KCNC1: variants seen among roughly 807,000 people sequenced by gnomAD.
The protein encoded by KCNC1 is potassium voltage-gated channel subfamily C member 1, also known as voltage-gated potassium channel KCNC1.
A neutral mutation model predicts 43.4 loss-of-function variants in KCNC1; 8 were observed. The observed-to-expected ratio is 0.18, with a 90% confidence interval of 0.11 to 0.33. The LOEUF (loss-of-function observed/expected upper bound fraction) is 0.33. KCNC1 is among the 10% of genes least tolerant of loss of function. The pLI is 1.00. For synonymous variants in KCNC1, 361 were observed against 360.5 expected (o/e 1.00, Z -0.01); for missense variants, 420 against 836.0 (o/e 0.50, Z 6.14).
chr11:17,759,860 A>G (rs1341644879), intron 1 of KCNC1, among the ~76,000 whole-genome samples: 1 of 152,254 alleles, frequency 6.6e-6, no homozygotes, highest in Non-Finnish European at 1.5e-5. Flanking sequence ...TAACCAAAAT[A>G]TGACACAGAG....
At chr11:17,766,888 G>A (rs777427735) in intron 1 of KCNC1, among the ~76,000 whole-genome samples, 1 of 150,994 alleles carries the variant, frequency 6.6e-6, no homozygotes, top group Non-Finnish European at 1.5e-5. Flanking sequence ...GGGAGGCCGA[G>A]TCTGGCAGAT....
chr11:17,744,815 C>T (rs1303027265), intron 1 of KCNC1, among the ~76,000 whole-genome samples: 1 of 152,056 alleles, frequency 6.6e-6, no homozygotes, highest in Admixed American at 6.5e-5. Flanking sequence ...GGAGGACTCC[C>T]ACCCATGCCT....
chr11:17,771,620 A>G lies in KCNC1; in HGVS notation c.571-45A>G. On this transcript the variant is annotated intron_variant, in intron 1 of 3. Coordinates refer to ENST00000265969, the MANE Select transcript of KCNC1 (RefSeq NM_001112741.2). The surrounding 1 kb of genome is among the most constrained non-coding windows in gnomAD (Gnocchi z 4.7). ...GGACAGAGGCAACCCAGGCTTCTCC[A>G]CTCTGGGTGGGCCTCCCTCTGACAC... The G allele has an allele frequency of 6.5e-7, 1 of 1,545,682 alleles. No homozygotes were observed.
At chr11:17,774,572 C>T in intron 2 of KCNC1, 1 of 985,624 alleles carries the variant, frequency 1.0e-6, no homozygotes, top group Non-Finnish European at 1.2e-6. Flanking sequence ...CCAGCTAATC[C>T]CAGGACACAA....
intron 1 of KCNC1, among the ~76,000 whole-genome samples, chr11:17,768,945 GGA>G (rs1849190317): frequency 6.6e-6 from 1 of 152,230 alleles, no homozygotes; most frequent in Non-Finnish European, 1.5e-5. Flanking sequence ...CTCTGGTGAT[GGA>G]GAGAGCTCTG....
In KCNC1 at chr11:17,777,254, C is replaced by T. The variant is rs1288247519; in HGVS notation, c.1505-2202C>T. The T allele has an allele frequency of 1.0e-6, 1 of 985,784 alleles. No homozygotes were observed. The highest frequency in any genetic ancestry group is 1.7e-5 in the African/African-American group (1 of 57,278). 61.1% of individuals were successfully genotyped at this position (985,784 alleles called of 1,614,324 possible). ...GAGGCAGAGGCAGAGAGAAGGCACC[C>T]CCCTCTGACCCACCCCTCCCCAGGC... On this transcript the variant is annotated intron_variant, in intron 2 of 3. Transcript: ENST00000265969. This position sits in a 1 kb window ranked among gnomAD's most constrained non-coding sequence, Gnocchi z 4.3.
At chr11:17,756,584 CT>C (rs1820711011) in intron 1 of KCNC1, among the ~76,000 whole-genome samples, 1 of 151,666 alleles carries the variant, frequency 6.6e-6, no homozygotes. Flanking sequence ...GTCAGGACCC[CT>C]GACTCGATAC....
intron 1 of KCNC1, among the ~76,000 whole-genome samples, chr11:17,762,286 C>A (rs1179616467): frequency 6.6e-6 from 1 of 152,200 alleles, no homozygotes; most frequent in African/African-American, 2.4e-5. Flanking sequence ...CTCAGCAGTT[C>A]CCGTTCCATG....
chr11:17,737,401 T>C (rs1166349084), intron 1 of KCNC1, among the ~76,000 whole-genome samples: 1 of 151,330 alleles, frequency 6.6e-6, no homozygotes, highest in African/African-American at 2.4e-5. Flanking sequence ...AAGGAGAAGG[T>C]GTGTGAGAGG....
rs1417312118 is a variant in KCNC1 at position 17,781,764 on chromosome 11, C to CT, written c.*31dup. The CT allele has an allele frequency of 2.1e-5, 31 of 1,498,032 alleles. No individual in the cohort carries two copies. The highest frequency in any genetic ancestry group is 2.5e-5 in the Non-Finnish European group (27 of 1,098,156). 92.8% of individuals were successfully genotyped at this position (1,498,032 alleles called of 1,614,324 possible). A position where few individuals can be genotyped will look rare whatever the true frequency, so the allele number is the denominator to read the frequency against. ...GCGGCTTGGCCGAGGACACTGGTGG[C>CT]TATTAAGCATCTGGGTGGACCTGCA... is the stretch of plus-strand genomic sequence containing the variant. On this transcript the variant is annotated 3_prime_UTR_variant, in exon 4 of 4. Coordinates refer to ENST00000265969, the MANE Select transcript of KCNC1 (RefSeq NM_001112741.2). The surrounding 1 kb of genome is among the most constrained non-coding windows in gnomAD (Gnocchi z 5.1).
chr11:17,747,178 G>A (rs1848909740), intron 1 of KCNC1, among the ~76,000 whole-genome samples: 1 of 152,104 alleles, frequency 6.6e-6, no homozygotes, highest in African/African-American at 2.4e-5. Flanking sequence ...GACTTCAGAG[G>A]CGTCACCCTG....
rs1848855480 is a variant in KCNC1 at position 17,742,593 on chromosome 11, G to C, written c.570+6021G>C. ...AAAGGAGGGCCTGACAGGCTGCAGGGGTGCTTTGCTCTTCAGTCCTTATTC... is the reference window on the plus strand; with the variant it reads ...AAAGGAGGGCCTGACAGGCTGCAGGCGTGCTTTGCTCTTCAGTCCTTATTC... On this transcript the variant is annotated intron_variant, in intron 1 of 3. Coordinates refer to ENST00000265969, the MANE Select transcript of KCNC1 (RefSeq NM_001112741.2). This position sits in a 1 kb window ranked among gnomAD's most constrained non-coding sequence, Gnocchi z 4.2. Among the ~76,000 whole-genome samples the C allele has an allele frequency of 6.6e-6, 1 of 152,184 alleles. No homozygotes were observed. Among genetic ancestry groups the C allele is most frequent in the Non-Finnish European group, 1.5e-5 (1 of 68,036 alleles).
intron 1 of KCNC1, among the ~76,000 whole-genome samples, chr11:17,738,764 T>C (rs529018961): frequency 6.6e-6 from 1 of 152,322 alleles, no homozygotes; most frequent in Admixed American, 6.5e-5. Flanking sequence ...GAATGCTCAC[T>C]GAAGAGCGGA....
At chr11:17,738,475 G>GGTA (rs1206677837) in intron 1 of KCNC1, among the ~76,000 whole-genome samples, 2 of 152,138 alleles carry the variant, frequency 1.3e-5, no homozygotes, top group Non-Finnish European at 2.9e-5. Flanking sequence ...AGAAGCAAGG[G>GGTA]GTAGGCTCAG....
intron 1 of KCNC1, among the ~76,000 whole-genome samples, chr11:17,760,728 T>C (rs1849068157): frequency 6.6e-6 from 1 of 152,312 alleles, no homozygotes; most frequent in South Asian, 2.1e-4. Flanking sequence ...AGGGGGCTTA[T>C]GGAAGGCAAT....
chr11:17,747,705 C>T (rs574007114), intron 1 of KCNC1, among the ~76,000 whole-genome samples: 6 of 152,312 alleles, frequency 3.9e-5, no homozygotes, highest in East Asian at 1.9e-4. Flanking sequence ...GAACCAGCCT[C>T]GCTGGGTCAG....
chr11:17,765,592 T>C (rs941613422), intron 1 of KCNC1, among the ~76,000 whole-genome samples: 12 of 152,162 alleles, frequency 7.9e-5, no homozygotes, highest in African/African-American at 2.9e-4. Context: ...TAGAACACAA[T>C]TGGTGGGTCT....
Position 17,777,737 on chromosome 11 carries a change from G to A in KCNC1, c.1505-1719G>A. 3.0e-6 allele frequency: 3 copies of A among 986,070 alleles called. No homozygotes were observed. Among genetic ancestry groups the A allele is most frequent in the Non-Finnish European group, 3.6e-6 (3 of 829,982 alleles). 61.1% of individuals were successfully genotyped at this position (986,070 alleles called of 1,614,324 possible). A position where few individuals can be genotyped will look rare whatever the true frequency, so the allele number is the denominator to read the frequency against. On this transcript the variant is annotated intron_variant, in intron 2 of 3. Coordinates refer to ENST00000265969, the MANE Select transcript of KCNC1 (RefSeq NM_001112741.2). The surrounding 1 kb of genome is among the most constrained non-coding windows in gnomAD (Gnocchi z 4.3). ...TGTACGTGAAATGCTTTGCCATCTTGTACGAAAGACTTTTTTTTTAAGTTC... is the reference window on the plus strand; with the variant it reads ...TGTACGTGAAATGCTTTGCCATCTTATACGAAAGACTTTTTTTTTAAGTTC...
At chr11:17,763,160 G>A (rs17718902) in intron 1 of KCNC1, among the ~76,000 whole-genome samples, 80,409 of 151,878 alleles carry the variant, frequency 0.53, 23,331 homozygotes, top group East Asian at 0.88. Context: ...GGACGTCTGC[G>A]CCGGGACGCT....
Sources: gnomAD v4.1 joint callset for allele counts (sites outside exome capture counted in the v4.1 genomes callset) on GRCh38, gnomAD v4.1.1 for gene constraint, Gnocchi (gnomAD v3.1) non-coding constraint, MANE v1.5 for transcripts, NCBI Gene and HGNC (gene_info 2026-07-23, HGNC 2026-07-21) for gene names.